Variants in MDFIC observed in about 807,000 individuals in gnomAD.
MDFIC encodes myoD family inhibitor domain-containing protein.
MDFIC carries 17 observed loss-of-function variants against 23.2 expected under a neutral mutation model. The ratio of observed to expected loss-of-function variants is 0.73; its 90% CI spans 0.50 to 1.10. The LOEUF (loss-of-function observed/expected upper bound fraction) is 1.10. Among genes scored for constraint, MDFIC ranks in the 50% least tolerant of loss-of-function variants. MDFIC has a pLI of 0.00. For synonymous variants in MDFIC, 120 were observed against 115.2 expected, an observed-to-expected ratio of 1.04 and a Z score of -0.27; for missense variants, 356 against 316.6, an observed-to-expected ratio of 1.12 and a Z score of -0.95.
chr7:115,007,579 G>A (rs1408708114), intron 4 of MDFIC, among the ~76,000 whole-genome samples: 1 of 146,624 alleles, frequency 6.8e-6, no homozygotes, highest in Admixed American at 6.9e-5. Context: ...AAGCTTCTAA[G>A]AATCAAAATA....
At chr7:114,928,307 G>GAA (rs370495401) in intron 2 of MDFIC, among the ~76,000 whole-genome samples, 8 of 148,644 alleles carry the variant, frequency 5.4e-5, no homozygotes, top group African/African-American at 1.7e-4. Context: ...TAAGAACTGT[G>GAA]AAAAAAAAAA....
chr7:114,924,653 T>G (rs1792156068), intron 2 of MDFIC, among the ~76,000 whole-genome samples: 1 of 152,214 alleles, frequency 6.6e-6, no homozygotes, highest in Non-Finnish European at 1.5e-5. Context: ...ACCTGAAAAT[T>G]GCCTTAGCTT....
intron 3 of MDFIC, among the ~76,000 whole-genome samples, chr7:114,949,523 C>A (rs1055735783): frequency 6.6e-6 from 1 of 152,128 alleles, no homozygotes; most frequent in Non-Finnish European, 1.5e-5. Context: ...TATGTTTTTG[C>A]AGATCATGTT....
chr7:114,994,944 T>G (rs1332260586), intron 4 of MDFIC, among the ~76,000 whole-genome samples: 1 of 152,214 alleles, frequency 6.6e-6, no homozygotes, highest in Non-Finnish European at 1.5e-5. Flanking sequence ...GCAGAGTGTT[T>G]TCCAGCTTGG....
intron 4 of MDFIC, among the ~76,000 whole-genome samples, chr7:115,007,398 T>C (rs1405647530): frequency 1.3e-5 from 2 of 152,078 alleles, no homozygotes; most frequent in Non-Finnish European, 1.5e-5. Flanking sequence ...TTAAAGCTTG[T>C]GATCTTAAAA....
chr7:114,963,295 G>C, intron 3 of MDFIC, among the ~76,000 whole-genome samples: 1 of 152,250 alleles, frequency 6.6e-6, no homozygotes, highest in South Asian at 2.1e-4. Flanking sequence ...ATTTGAATTA[G>C]GTAATAAATA....
intron 4 of MDFIC, among the ~76,000 whole-genome samples, chr7:114,992,458 C>T (rs908564585): frequency 6.6e-6 from 1 of 152,130 alleles, no homozygotes; most frequent in Non-Finnish European, 1.5e-5. Context: ...CCAGTTTTTG[C>T]CCATTCAGTA....
At position 115,014,779 on chromosome 7, in the gene MDFIC, CT is replaced by C. The variant is rs144711353; in HGVS notation, c.494-908del. Among the ~76,000 whole-genome samples, 563 of 152,254 alleles carry C rather than the reference CT, an allele frequency of 3.7e-3. 4 individuals are homozygous for C. Among genetic ancestry groups the C allele is most frequent in the African/African-American group, 0.011 (456 of 41,556 alleles). ...AAATAGAAATTTCCTTCCATTACCCCTCTCACTTGCCCCAGAATTATAAAGG... is the reference window on the plus strand; with the variant it reads ...AAATAGAAATTTCCTTCCATTACCCCCTCACTTGCCCCAGAATTATAAAGG... On this transcript the variant is annotated intron_variant, in intron 4 of 4. Coordinates refer to ENST00000393486, the MANE Select transcript of MDFIC (RefSeq NM_001166345.3).
chr7:115,013,768 G>A (rs1309136977), intron 4 of MDFIC, among the ~76,000 whole-genome samples: 1 of 152,166 alleles, frequency 6.6e-6, no homozygotes, highest in African/African-American at 2.4e-5. Context: ...TAAGACAGAT[G>A]CTGAGATGAA....
intron 4 of MDFIC, among the ~76,000 whole-genome samples, chr7:114,987,283 T>C (rs1793531639): frequency 6.6e-6 from 1 of 152,166 alleles, no homozygotes; most frequent in Admixed American, 6.5e-5. Context: ...TTCAACAGTA[T>C]TGTAAAATCT....
chr7:115,001,812 A>C (rs1024930325), intron 4 of MDFIC, among the ~76,000 whole-genome samples: 1 of 152,164 alleles, frequency 6.6e-6, no homozygotes, highest in Non-Finnish European at 1.5e-5. Flanking sequence ...CCATGAAAAA[A>C]ATATATATGT....
intron 3 of MDFIC, among the ~76,000 whole-genome samples, chr7:114,966,820 A>T (rs1191359911): frequency 1.3e-5 from 2 of 152,186 alleles, no homozygotes; most frequent in Non-Finnish European, 2.9e-5. Context: ...GAGCATATGT[A>T]GAAGTTGTAT....
intron 2 of MDFIC, among the ~76,000 whole-genome samples, chr7:114,932,910 G>A (rs1792343356): frequency 6.6e-6 from 1 of 152,118 alleles, no homozygotes; most frequent in African/African-American, 2.4e-5. Context: ...TATCTTATTT[G>A]TGCCTTTGCC....
intron 2 of MDFIC, among the ~76,000 whole-genome samples, chr7:114,936,755 C>G (rs1012283836): frequency 1.3e-5 from 2 of 152,144 alleles, no homozygotes; most frequent in African/African-American, 4.8e-5. Context: ...ATCTCTGAGA[C>G]TGTTTTCTCA....
chr7:114,939,611 T>C (rs1792498799), intron 2 of MDFIC, among the ~76,000 whole-genome samples: 1 of 152,180 alleles, frequency 6.6e-6, no homozygotes, highest in African/African-American at 2.4e-5. Context: ...TATATAGTTG[T>C]GCATCTATGT....
At chr7:114,923,452 C>G (rs922344765) in intron 2 of MDFIC, 2 of 1,537,736 alleles carry the variant, frequency 1.3e-6, no homozygotes, top group Non-Finnish European at 1.7e-6. Flanking sequence ...AAGCGCTTCT[C>G]CTCTAGGTCT....
At position 115,014,043 on chromosome 7, in the gene MDFIC, G is replaced by A. The variant is rs1349084270; in HGVS notation, c.494-1645G>A. Reference sequence around the variant, plus strand: ...CTAAAAAGAAAGGAAAGAACAGTGTGTCCTTCTACAAACACAACTCTGGAA... The same window carrying A: ...CTAAAAAGAAAGGAAAGAACAGTGTATCCTTCTACAAACACAACTCTGGAA... On this transcript the variant is annotated intron_variant, in intron 4 of 4. Transcript: ENST00000393486. The A allele has an allele frequency of 5.1e-6, 5 of 985,240 alleles. No individual in the cohort carries two copies. The African/African-American group carries it at 8.7e-5, about 17-fold the overall frequency. The allele number at this position is 985,240 out of a possible 1,614,324, so 61.0% of individuals were successfully genotyped here.
In MDFIC at chr7:115,018,306, C is replaced by T. The variant is rs1562832919; in HGVS notation, c.*2371C>T. 2 of 151,904 alleles carry T rather than the reference C, an allele frequency of 1.3e-5. No individual in the cohort carries two copies. Among genetic ancestry groups the T allele is most frequent in the Non-Finnish European group, 2.9e-5 (2 of 67,818 alleles). 9.4% of individuals were successfully genotyped at this position (151,904 alleles called of 1,614,324 possible). A position where few individuals can be genotyped will look rare whatever the true frequency, so the allele number is the denominator to read the frequency against. On this transcript the variant is annotated 3_prime_UTR_variant, in exon 5 of 5. Coordinates refer to ENST00000393486, the MANE Select transcript of MDFIC (RefSeq NM_001166345.3). ...GACCTGGAATTGTTAGAATATTTGA[C>T]TTTTTATATGCAAAGTTTTTCAACC...
intron 3 of MDFIC, among the ~76,000 whole-genome samples, chr7:114,964,390 G>A (rs1793052893): frequency 1.3e-5 from 2 of 152,196 alleles, no homozygotes. Flanking sequence ...TTCTAGGTAA[G>A]CAATATGTAC....
Sources: allele counts gnomAD v4.1 joint callset (sites outside exome capture counted in the v4.1 genomes callset), GRCh38; gene constraint gnomAD v4.1.1; transcripts MANE v1.5; gene names NCBI Gene and HGNC (gene_info 2026-07-23, HGNC 2026-07-21).